The following PRSS23 variants were observed in gnomAD, a reference collection of about 807,000 sequenced individuals.
The protein encoded by PRSS23 is protease, serine 23.
In PRSS23, 25 loss-of-function variants were observed where a neutral mutation model predicts 34.7. The ratio of observed to expected loss-of-function variants is 0.72; its 90% CI spans 0.53 to 1.01. PRSS23 has a LOEUF of 1.01. Ranked by LOEUF, PRSS23 falls within the 50% of genes least tolerant of loss-of-function variation. PRSS23 has a pLI of 0.00. For synonymous variants in PRSS23, 176 were observed against 186.6 expected, an observed-to-expected ratio of 0.94 and a Z score of 0.46; for missense variants, 445 against 475.6, an observed-to-expected ratio of 0.94 and a Z score of 0.60.
intron 2 of PRSS23, among the ~76,000 whole-genome samples, chr11:86,831,356 C>G (rs938322323): frequency 6.6e-6 from 1 of 151,602 alleles, no homozygotes; most frequent in African/African-American, 2.4e-5. Flanking sequence ...AAAGTTGTTA[C>G]TCCTCATGTC....
chr11:86,846,742 T>A (rs1948489050), intron 2 of PRSS23, among the ~76,000 whole-genome samples: 1 of 152,174 alleles, frequency 6.6e-6, no homozygotes, highest in South Asian at 2.1e-4. Flanking sequence ...GATTCCCTAT[T>A]TAGAAGACTT....
chr11:86,887,176 G>A (rs1030686677), intron 2 of PRSS23, among the ~76,000 whole-genome samples: 6 of 152,120 alleles, frequency 3.9e-5, no homozygotes, highest in East Asian at 1.9e-4. Flanking sequence ...AGCTGTGCTC[G>A]TTCTTATTAC....
intron 2 of PRSS23, among the ~76,000 whole-genome samples, chr11:86,832,218 G>A (rs1948363443): frequency 6.6e-6 from 1 of 151,950 alleles, no homozygotes; most frequent in African/African-American, 2.4e-5. Flanking sequence ...TATCACAGTG[G>A]GTGTACCACA....
chr11:86,834,963 A>G (rs1050911710), intron 2 of PRSS23, among the ~76,000 whole-genome samples: 2 of 152,192 alleles, frequency 1.3e-5, no homozygotes, highest in Non-Finnish European at 2.9e-5. Context: ...TTCCATCAGT[A>G]TACAAGTTGA....
At chr11:86,821,699 T>C in intron 1 of PRSS23, 1 of 1,491,898 alleles carries the variant, frequency 6.7e-7, no homozygotes, top group South Asian at 1.2e-5. Context: ...TTCTGTTGAA[T>C]ATACTGTTGA....
At chr11:86,939,426 A>ATATATATATATATATATAT in intron 2 of PRSS23, among the ~76,000 whole-genome samples, 1 of 94,072 alleles carries the variant, frequency 1.1e-5, no homozygotes, top group African/African-American at 3.3e-5. Context: ...ATATATATAT[A>ATATATATATATATATATAT]TTTTTTAACA....
At chr11:86,909,013 T>C (rs1361966851) in intron 2 of PRSS23, 2 of 151,856 alleles carry the variant, frequency 1.3e-5, no homozygotes, top group African/African-American at 4.8e-5. Context: ...AAGGAGCTCC[T>C]TAATTTGGTC....
chr11:86,838,934 A>G (rs1279288315), intron 2 of PRSS23, among the ~76,000 whole-genome samples: 1 of 152,192 alleles, frequency 6.6e-6, no homozygotes, highest in Non-Finnish European at 1.5e-5. Context: ...AATAGCATCA[A>G]CATCAACATC....
chr11:86,864,661 T>C (rs754928537), intron 2 of PRSS23, among the ~76,000 whole-genome samples: 6 of 149,536 alleles, frequency 4.0e-5, no homozygotes, highest in African/African-American at 1.4e-4. Flanking sequence ...TAGTAGCTTA[T>C]GCAAGACTGA....
At chr11:86,849,557 C>T (rs1014760614) in intron 2 of PRSS23, among the ~76,000 whole-genome samples, 2 of 152,124 alleles carry the variant, frequency 1.3e-5, no homozygotes, top group Non-Finnish European at 2.9e-5. Flanking sequence ...TCCCTTAAGG[C>T]CTGAAGCTCA....
chr11:86,833,859 C>A (rs921022644), intron 2 of PRSS23, among the ~76,000 whole-genome samples: 1 of 152,138 alleles, frequency 6.6e-6, no homozygotes, highest in Admixed American at 6.6e-5. Context: ...GGTTGGCCGA[C>A]TGACCACTCT....
chr11:86,797,259 C>T (rs537636563), upstream of PRSS23, among the ~76,000 whole-genome samples: 4 of 152,170 alleles, frequency 2.6e-5, no homozygotes, highest in Non-Finnish European at 4.4e-5. Context: ...GGAAATGGGA[C>T]GAGTACAAAA....
rs549537679 is a variant in PRSS23, at chr11:86,895,958, C to T, written c.207-55258C>T. Among the ~76,000 whole-genome samples the T allele has an allele frequency of 2.6e-5, 4 of 152,286 alleles. No homozygotes were observed. The South Asian group carries it at 8.3e-4, about 32-fold the overall frequency. On this transcript the variant is annotated intron_variant, in intron 2 of 2. Coordinates refer to the PRSS23 transcript ENST00000533902. ...ATCAGGAAGTATATAATTTGTATAA[C>T]ACAACTAACTGTTCATCTTTCTGTG...
At chr11:86,796,457 C>G (rs1055414462), upstream of PRSS23, among the ~76,000 whole-genome samples, 1 of 151,460 alleles carries the variant, frequency 6.6e-6, no homozygotes, top group Non-Finnish European at 1.5e-5. Context: ...CTGGCTAACA[C>G]GGTGAAACCC....
intron 2 of PRSS23, chr11:86,833,285 TG>T: frequency 1.3e-6 from 2 of 1,557,072 alleles, no homozygotes; most frequent in Non-Finnish European, 1.8e-6. Flanking sequence ...AAGAAGTACA[TG>T]GGGGTGTGGA....
intron 2 of PRSS23, among the ~76,000 whole-genome samples, chr11:86,879,765 G>A (rs1479962897): frequency 7.9e-5 from 11 of 139,472 alleles, no homozygotes; most frequent in Admixed American, 6.3e-4. Flanking sequence ...CCGTCCGGGA[G>A]GGAGGTGGGG....
At chr11:86,847,224 T>A (rs1948493190) in intron 2 of PRSS23, among the ~76,000 whole-genome samples, 1 of 152,202 alleles carries the variant, frequency 6.6e-6, no homozygotes, top group Admixed American at 6.5e-5. Flanking sequence ...CTAAGCCTCC[T>A]GTTGCTAATT....
intron 2 of PRSS23, chr11:86,938,979 G>A: frequency 2.3e-6 from 1 of 427,386 alleles, no homozygotes; most frequent in Non-Finnish European, 4.6e-6. Flanking sequence ...AAAAATATAG[G>A]GAAATTTCTC....
intron 2 of PRSS23, among the ~76,000 whole-genome samples, chr11:86,860,218 A>G (rs1948603590): frequency 6.6e-6 from 1 of 151,782 alleles, no homozygotes; most frequent in Non-Finnish European, 1.5e-5. Flanking sequence ...TGTTGTTCAC[A>G]CCCCCTGTGA....
Sources: allele counts gnomAD v4.1 joint callset (sites outside exome capture counted in the v4.1 genomes callset), GRCh38; gene constraint gnomAD v4.1.1; transcripts MANE v1.5; gene names NCBI Gene and HGNC (gene_info 2026-07-23, HGNC 2026-07-21).